GRM7: variants seen among roughly 807,000 people sequenced by gnomAD.
The protein encoded by GRM7 is glutamate metabotropic receptor 7.
Under a neutral mutation model 84.5 loss-of-function variants are expected in GRM7, and 35 were observed. The observed-to-expected ratio is 0.41, with a 90% confidence interval of 0.32 to 0.55. The LOEUF (loss-of-function observed/expected upper bound fraction) is 0.55, where lower values mean the gene tolerates loss of function less well. Ranked by LOEUF, GRM7 falls within the 20% of genes least tolerant of loss-of-function variation. The pLI, the probability that GRM7 is intolerant of heterozygous loss-of-function variation, is 0.19. For synonymous variants in GRM7, 487 were observed against 455.1 expected, an observed-to-expected ratio of 1.07 and a Z score of -0.89; for missense variants, 1,003 against 1,194.6, an observed-to-expected ratio of 0.84 and a Z score of 2.36.
intron 1 of GRM7, among the ~76,000 whole-genome samples, chr3:6,888,568 T>A (rs1695799254): frequency 6.6e-6 from 1 of 152,150 alleles, no homozygotes; most frequent in South Asian, 2.1e-4. Flanking sequence ...TTCTGAGGGC[T>A]CTGTTCTGTT....
rs1693520413 is a variant in GRM7 at position 7,358,736 on chromosome 3, ATT to A, written c.1033+52085_1033+52086del. Among the ~76,000 whole-genome samples the A allele has an allele frequency of 4.0e-5, 5 of 124,930 alleles. 1 individual carries two copies. The highest frequency in any genetic ancestry group is 6.9e-5 in the African/African-American group (2 of 28,864). 82.0% of individuals were successfully genotyped at this position (124,930 alleles called of 152,430 possible). A position where few individuals can be genotyped will look rare whatever the true frequency, so the allele number is the denominator to read the frequency against. ...GGATAAGCTTCTCTTTTGAATACAT[ATT>A]ATTTTTTATAGGTGACTGCCCCTTT... On this transcript the variant is annotated intron_variant, in intron 4 of 9. Coordinates refer to ENST00000357716, the MANE Select transcript of GRM7 (RefSeq NM_000844.4).
At chr3:7,613,280 A>G (rs1036195038) in intron 8 of GRM7, among the ~76,000 whole-genome samples, 4 of 152,214 alleles carry the variant, frequency 2.6e-5, no homozygotes, top group Admixed American at 6.5e-5. Flanking sequence ...ATTTCCCTCC[A>G]TAGCTGTTCT....
At chr3:7,381,409 AT>A (rs775859343) in intron 4 of GRM7, among the ~76,000 whole-genome samples, 4 of 152,116 alleles carry the variant, frequency 2.6e-5, no homozygotes, top group Non-Finnish European at 5.9e-5. Context: ...TGTGCAGGTA[AT>A]GGGGGTTACA....
Position 6,876,671 on chromosome 3 carries a change from G to A in GRM7, c.519+14764G>A, listed in dbSNP as rs527864273. On this transcript the variant is annotated intron_variant, in intron 1 of 9. Transcript: ENST00000357716. Reference sequence around the variant, plus strand: ...GGCTGGAATGCAGTGGCACCATCTCGGCTCACTGCAACCTCCGCCTCCTGG... The same window carrying A: ...GGCTGGAATGCAGTGGCACCATCTCAGCTCACTGCAACCTCCGCCTCCTGG... 1.7e-4 allele frequency among the ~76,000 whole-genome samples: 24 copies of A among 143,392 alleles called. No homozygotes were observed. In the South Asian group the frequency reaches 2.0e-3, roughly 12 times the overall value. 94.1% of individuals were successfully genotyped at this position (143,392 alleles called of 152,430 possible). A position where few individuals can be genotyped will look rare whatever the true frequency, so the allele number is the denominator to read the frequency against.
intron 8 of GRM7, among the ~76,000 whole-genome samples, chr3:7,670,821 A>G (rs1699890217): frequency 6.6e-6 from 1 of 152,216 alleles, no homozygotes; most frequent in Admixed American, 6.5e-5. Flanking sequence ...TTTTCACATT[A>G]TAAGACAGAA....
intron 8 of GRM7, among the ~76,000 whole-genome samples, chr3:7,650,113 G>C (rs890588415): frequency 6.6e-6 from 1 of 152,100 alleles, no homozygotes; most frequent in African/African-American, 2.4e-5. Context: ...TTTATCCTAC[G>C]CAAGGAAAAT....
At chr3:7,393,179 C>T (rs1156893643) in intron 4 of GRM7, among the ~76,000 whole-genome samples, 16 of 152,140 alleles carry the variant, frequency 1.1e-4, no homozygotes, top group Non-Finnish European at 1.9e-4. Flanking sequence ...TGCCCCTTCT[C>T]CCCTGTCTCT....
chr3:7,650,130 A>AT (rs1452565129), intron 8 of GRM7, among the ~76,000 whole-genome samples: 1 of 152,216 alleles, frequency 6.6e-6, no homozygotes, highest in Non-Finnish European at 1.5e-5. Context: ...AAATATGGTG[A>AT]TTTAAAAAAT....
intron 1 of GRM7, among the ~76,000 whole-genome samples, chr3:7,012,826 G>A (rs1695422163): frequency 6.6e-6 from 1 of 152,106 alleles, no homozygotes; most frequent in Non-Finnish European, 1.5e-5. Context: ...TTGCAGCCTG[G>A]ACCATTTGGA....
At chr3:7,395,754 T>G (rs1173170190) in intron 4 of GRM7, among the ~76,000 whole-genome samples, 1 of 152,190 alleles carries the variant, frequency 6.6e-6, no homozygotes, top group Non-Finnish European at 1.5e-5. Flanking sequence ...TCATATGGAA[T>G]TGTGAGTCAG....
In GRM7 at chr3:7,146,671, A is replaced by G; in HGVS notation, c.736+3A>G. 1.2e-6 allele frequency: 2 copies of G among 1,603,112 alleles called. No individual in the cohort carries two copies. The highest frequency in any genetic ancestry group is 1.7e-6 in the Non-Finnish European group (2 of 1,172,888). On this transcript the variant is annotated splice_donor_region_variant and intron_variant, in intron 2 of 9. Coordinates refer to ENST00000357716, the MANE Select transcript of GRM7 (RefSeq NM_000844.4). ...CACGCAGATTTCCAAAGAGGCAGGT[A>G]GGATGAGATTGCTCTGATCAAGCTG...
Position 7,722,161 on chromosome 3 carries a change from G to A in GRM7, c.2699-18196G>A, listed in dbSNP as rs146481450. Among the ~76,000 whole-genome samples, 730 of 152,238 alleles carry A rather than the reference G, an allele frequency of 4.8e-3. 6 individuals are homozygous for A. The highest frequency in any genetic ancestry group is 7.0e-3 in the Non-Finnish European group (476 of 68,008). ...TGCTTTGGAAGGACCCCTTTCTGTCGAGAGAAAAGTACTTGAAAACACGTA... is the reference window on the plus strand; with the variant it reads ...TGCTTTGGAAGGACCCCTTTCTGTCAAGAGAAAAGTACTTGAAAACACGTA... On this transcript the variant is annotated intron_variant, in intron 9 of 9. Coordinates refer to ENST00000357716, the MANE Select transcript of GRM7 (RefSeq NM_000844.4).
At chr3:7,631,530 T>G (rs1024585968) in intron 8 of GRM7, among the ~76,000 whole-genome samples, 4 of 152,182 alleles carry the variant, frequency 2.6e-5, no homozygotes, top group Non-Finnish European at 5.9e-5. Flanking sequence ...CCATGCTGTT[T>G]AAGGAACCAG....
At chr3:7,137,603 A>G (rs1693812429) in intron 1 of GRM7, among the ~76,000 whole-genome samples, 1 of 152,066 alleles carries the variant, frequency 6.6e-6, no homozygotes, top group African/African-American at 2.4e-5. Flanking sequence ...GAGTTGAGAA[A>G]AAAACTTGGG....
At chr3:6,922,564 C>CT (rs1559330511) in intron 1 of GRM7, among the ~76,000 whole-genome samples, 1 of 152,176 alleles carries the variant, frequency 6.6e-6, no homozygotes, top group South Asian at 2.1e-4. Flanking sequence ...CTTGCAGTGG[C>CT]TTTTTTTGAA....
At chr3:7,317,892 A>G (rs1700638969) in intron 4 of GRM7, among the ~76,000 whole-genome samples, 1 of 152,066 alleles carries the variant, frequency 6.6e-6, no homozygotes, top group African/African-American at 2.4e-5. Context: ...TAAAATGATT[A>G]AACAACAAAT....
intron 2 of GRM7, among the ~76,000 whole-genome samples, chr3:7,230,425 G>GCTGTA (rs1697156129): frequency 1.3e-5 from 2 of 152,132 alleles, no homozygotes; most frequent in African/African-American, 2.4e-5. Flanking sequence ...GATTGCTATT[G>GCTGTA]AGTAGTAAGT....
intron 7 of GRM7, among the ~76,000 whole-genome samples, chr3:7,461,974 G>T (rs1171760474): frequency 6.6e-6 from 1 of 152,050 alleles, no homozygotes; most frequent in Non-Finnish European, 1.5e-5. Flanking sequence ...TGAGACTGGG[G>T]TTACTTAGCA....
intron 8 of GRM7, among the ~76,000 whole-genome samples, chr3:7,670,081 C>T (rs1307446264): frequency 1.3e-5 from 2 of 152,182 alleles, no homozygotes; most frequent in Non-Finnish European, 2.9e-5. Flanking sequence ...AGAGACAACA[C>T]ACGGCACATT....
Sources: allele counts gnomAD v4.1 joint callset (sites outside exome capture counted in the v4.1 genomes callset), GRCh38; gene constraint gnomAD v4.1.1; transcripts MANE v1.5; gene names NCBI Gene and HGNC (gene_info 2026-07-23, HGNC 2026-07-21).